Variants in PCDH15 observed in about 807,000 individuals in gnomAD.
The protein encoded by PCDH15 is protocadherin related 15, also known as protocadherin-15.
PCDH15 carries 129 observed loss-of-function variants against 178.5 expected under a neutral mutation model. That is an observed-to-expected ratio of 0.72 (90% confidence interval 0.63 to 0.84). PCDH15 has a LOEUF of 0.84. PCDH15 is among the 40% of genes least tolerant of loss of function. PCDH15 has a pLI of 0.00. For synonymous variants in PCDH15, 800 were observed against 732.0 expected (o/e 1.09, Z -1.50); for missense variants, 2,230 against 2,099.9 (o/e 1.06, Z -1.21).
chr10:54,996,509 G>T (rs1230126509), intron 2 of PCDH15, among the ~76,000 whole-genome samples: 1 of 152,156 alleles, frequency 6.6e-6, no homozygotes, highest in Non-Finnish European at 1.5e-5. Context: ...TGTAGTCACG[G>T]GAGGTCAGTG....
chr10:54,126,534 G>A (rs952183863), intron 15 of PCDH15, among the ~76,000 whole-genome samples: 1 of 151,844 alleles, frequency 6.6e-6, no homozygotes, highest in African/African-American at 2.4e-5. Flanking sequence ...AAGTAATCCT[G>A]CTTGTATTTT....
chr10:54,234,083 T>C (rs1464514125), intron 9 of PCDH15, among the ~76,000 whole-genome samples: 1 of 151,266 alleles, frequency 6.6e-6, no homozygotes, highest in Non-Finnish European at 1.5e-5. Context: ...TTAGGGAAAA[T>C]TAAGAGTTTT....
chr10:55,077,221 T>C (rs1841917201), intron 2 of PCDH15, among the ~76,000 whole-genome samples: 1 of 152,160 alleles, frequency 6.6e-6, no homozygotes, highest in Admixed American at 6.5e-5. Context: ...TCATTTTTAA[T>C]CCATTCAGCT....
At chr10:55,131,913 C>T (rs904598513) in intron 2 of PCDH15, among the ~76,000 whole-genome samples, 31 of 152,168 alleles carry the variant, frequency 2.0e-4, no homozygotes, top group African/African-American at 7.5e-4. Flanking sequence ...CTATCCCTGG[C>T]TTGAAGGTGG....
chr10:54,553,368 A>G (rs756651328), intron 2 of PCDH15, among the ~76,000 whole-genome samples: 2 of 150,560 alleles, frequency 1.3e-5, no homozygotes, highest in African/African-American at 2.4e-5. Flanking sequence ...TTGTGTCTCA[A>G]CTTTGGTCAC....
intron 1 of PCDH15, among the ~76,000 whole-genome samples, chr10:54,681,526 T>C (rs1220735051): frequency 6.6e-6 from 1 of 152,164 alleles, no homozygotes; most frequent in African/African-American, 2.4e-5. Flanking sequence ...TGCTAATATG[T>C]TGAGTGCCAC....
chr10:54,804,927 T>TTACATATATATATATATATATA (rs1952751251), upstream of PCDH15, among the ~76,000 whole-genome samples: 1 of 50,848 alleles, frequency 2.0e-5, no homozygotes, highest in African/African-American at 6.5e-5. Context: ...TCATAGTAGA[T>TTACATATATATATATATATATA]TATATATATA....
chr10:55,049,701 T>C (rs561009401), intron 2 of PCDH15, among the ~76,000 whole-genome samples: 4 of 152,138 alleles, frequency 2.6e-5, no homozygotes, highest in Admixed American at 2.0e-4. Flanking sequence ...AGTTAACTTA[T>C]AAAACAGTGT....
intron 2 of PCDH15, among the ~76,000 whole-genome samples, chr10:55,361,813 C>A (rs1315143777): frequency 6.6e-6 from 1 of 151,952 alleles, no homozygotes; most frequent in Admixed American, 6.6e-5. Context: ...TATTTCATTA[C>A]AAATGTACAG....
chr10:54,242,124 CTATTTTTATATATATATATATA>C lies in PCDH15; in HGVS notation c.877-5215_877-5194del, dbSNP rs1324341690. On this transcript the variant is annotated intron_variant, in intron 8 of 37. Transcript: ENST00000644397. ...TGAAAATGAACTTTTGGTCTGAATT[CTATTTTTATATATATATATATA>C]TATATATATATATATATATATATAT... Among the ~76,000 whole-genome samples, 139 of 62,264 alleles carry C rather than the reference CTATTTTTATATATATATATATA, an allele frequency of 2.2e-3. 4 individuals carry two copies. The highest frequency in any genetic ancestry group is 8.2e-3 in the African/African-American group (126 of 15,290). 40.8% of individuals were successfully genotyped at this position (62,264 alleles called of 152,430 possible).
chr10:55,316,823 C>T (rs1483886834), intron 1 of PCDH15, among the ~76,000 whole-genome samples: 4 of 152,090 alleles, frequency 2.6e-5, no homozygotes, highest in Non-Finnish European at 5.9e-5. Flanking sequence ...TTTCTTAACA[C>T]AGTGCCTACA....
intron 11 of PCDH15, among the ~76,000 whole-genome samples, chr10:54,192,299 C>T (rs1277279006): frequency 6.6e-6 from 1 of 151,554 alleles, no homozygotes; most frequent in Non-Finnish European, 1.5e-5. Context: ...ATAAATCACT[C>T]TAATGGCCCT....
At chr10:55,507,223 TCAA>T (rs749525000) in intron 2 of PCDH15, among the ~76,000 whole-genome samples, 57 of 151,628 alleles carry the variant, frequency 3.8e-4, no homozygotes, top group Non-Finnish European at 4.3e-4. Context: ...AAATAAACAT[TCAA>T]CAAGTATTAA....
chr10:54,424,039 C>T (rs746358695), intron 3 of PCDH15, among the ~76,000 whole-genome samples: 2 of 151,860 alleles, frequency 1.3e-5, no homozygotes, highest in South Asian at 4.1e-4. Flanking sequence ...TACAGAGCTT[C>T]TGCACAGCAA....
chr10:55,457,890 A>C (rs528337571), intron 2 of PCDH15, among the ~76,000 whole-genome samples: 1 of 152,172 alleles, frequency 6.6e-6, no homozygotes, highest in East Asian at 1.9e-4. Flanking sequence ...TCGGCTAACT[A>C]TTCTCTTGGA....
chr10:54,360,946 G>A (rs1945934996), intron 5 of PCDH15, among the ~76,000 whole-genome samples: 1 of 151,958 alleles, frequency 6.6e-6, no homozygotes. Flanking sequence ...ATGGGATTTA[G>A]CATTCTTCAT....
intron 2 of PCDH15, among the ~76,000 whole-genome samples, chr10:55,360,332 A>C (rs781777846): frequency 6.6e-6 from 1 of 152,016 alleles, no homozygotes; most frequent in African/African-American, 2.4e-5. Context: ...ATAAGAGGCT[A>C]TCTTCATGAC....
intron 2 of PCDH15, among the ~76,000 whole-genome samples, chr10:54,595,657 GT>G (rs1323291894): frequency 6.6e-6 from 1 of 152,116 alleles, no homozygotes; most frequent in Admixed American, 6.6e-5. Flanking sequence ...AAATCATTGA[GT>G]TTTGGGAGAA....
At chr10:55,168,647 A>G (rs948634255) in intron 1 of PCDH15, among the ~76,000 whole-genome samples, 2 of 152,212 alleles carry the variant, frequency 1.3e-5, no homozygotes, top group Non-Finnish European at 2.9e-5. Flanking sequence ...AGTCATCATT[A>G]CACATTTCAT....
Sources: allele counts gnomAD v4.1 joint callset (sites outside exome capture counted in the v4.1 genomes callset), GRCh38; gene constraint gnomAD v4.1.1; transcripts MANE v1.5; gene names NCBI Gene and HGNC (gene_info 2026-07-23, HGNC 2026-07-21).